CSAD: variants seen among roughly 807,000 people sequenced by gnomAD.
The protein encoded by CSAD is cysteine sulfinic acid decarboxylase.
In CSAD, 47 loss-of-function variants were observed where a neutral mutation model predicts 61.5. That is an observed-to-expected ratio of 0.76 (90% CI 0.60 to 0.97). The LOEUF (loss-of-function observed/expected upper bound fraction) is 0.97, where lower values mean the gene tolerates loss of function less well. Among genes scored for constraint, CSAD ranks in the 50% least tolerant of loss-of-function variants. CSAD has a pLI of 0.00. For missense variants in CSAD, 611 were observed against 643.6 expected (o/e 0.95, Z 0.55); for synonymous variants, 245 against 252.7 (o/e 0.97, Z 0.29).
chr12:53,161,666 GA>G (rs1939295370), intron 10 of CSAD, among the ~76,000 whole-genome samples: 1 of 152,006 alleles, frequency 6.6e-6, no homozygotes, highest in East Asian at 1.9e-4. Context: ...CAATGCTATT[GA>G]AAAAAAATTG....
At chr12:53,180,486 GGGCGCGCC>G (rs2121526212) in intron 1 of CSAD, 1 of 1,223,044 alleles carries the variant, frequency 8.2e-7, no homozygotes, top group East Asian at 6.7e-5. Context: ...ATGGCGGCCG[GGGCGCGCC>G]CCGGCCACGG....
intron 10 of CSAD, among the ~76,000 whole-genome samples, chr12:53,164,036 A>G (rs1296656245): frequency 2.0e-5 from 3 of 152,242 alleles, no homozygotes; most frequent in Non-Finnish European, 2.9e-5. Context: ...TGGTGTTGGA[A>G]CAACTGGATA....
intron 15 of CSAD, 66 bp from the exon 16 acceptor site, chr12:53,159,778 C>T (rs1274532038): frequency 7.9e-6 from 12 of 1,526,394 alleles, no homozygotes; most frequent in Non-Finnish European, 8.9e-6. Context: ...TCTCCCTGCC[C>T]CTTTCCCCTC....
chr12:53,179,965 G>A (rs1941440631), intron 1 of CSAD: 1 of 1,527,646 alleles, frequency 6.5e-7, no homozygotes, highest in Non-Finnish European at 8.7e-7. Context: ...TACTGTGGGA[G>A]TCAGGGTCTT....
intron 10 of CSAD, among the ~76,000 whole-genome samples, chr12:53,168,329 A>T (rs1263475440): frequency 6.6e-6 from 1 of 152,214 alleles, no homozygotes; most frequent in Non-Finnish European, 1.5e-5. Context: ...ATGCTAAACC[A>T]CTAAATAGTA....
At position 53,173,463 on chromosome 12, in the gene CSAD, T is replaced by G; in HGVS notation, c.8A>C (p.Asp3Ala). Residue 3 changes from aspartate (D) to alanine (A), a missense_variant, in exon 4 of 17, where the codon GAC (aspartate) becomes GCC (alanine). Asp to Ala is a moderately radical substitution (Grantham distance 126). Coordinates refer to ENST00000444623, the MANE Select transcript of CSAD (RefSeq NM_001244705.2). The part of the protein sequence containing the change: MA[D>A]SEALPSLAGD... ...AGCAAGGGAGGGGAGTGCTTCTGAG[T>G]CAGCCATCAGGATCTGTGGCAGAGC... The G allele has an allele frequency of 2.5e-6, 4 of 1,613,934 alleles. No individual in the cohort carries two copies. Among genetic ancestry groups the G allele is most frequent in the Non-Finnish European group, 3.4e-6 (4 of 1,179,982 alleles).
Position 53,157,935 on chromosome 12 carries a change from T to C in CSAD, c.*576A>G, listed in dbSNP as rs1938742449. 1 of 152,220 alleles carries C rather than the reference T, an allele frequency of 6.6e-6. No homozygotes were observed. Among genetic ancestry groups the C allele is most frequent in the South Asian group, 2.1e-4 (1 of 4,832 alleles). 9.4% of individuals were successfully genotyped at this position (152,220 alleles called of 1,614,324 possible). A position where few individuals can be genotyped will look rare whatever the true frequency, so the allele number is the denominator to read the frequency against. Reference sequence around the variant, plus strand: ...ATATAAAGACTTGTATTCAGCTTTTTCAACATAAATTACATTAAAGTTATT... The same window carrying C: ...ATATAAAGACTTGTATTCAGCTTTTCCAACATAAATTACATTAAAGTTATT... On this transcript the variant is annotated 3_prime_UTR_variant, in exon 17 of 17. Transcript: ENST00000444623.
At chr12:53,173,850 A>C in intron 2 of CSAD, 80 bp from the exon 3 acceptor site, 1 of 1,426,568 alleles carries the variant, frequency 7.0e-7, no homozygotes, top group Non-Finnish European at 9.7e-7. Flanking sequence ...AAATTCACAA[A>C]GTTGTTGCAA....
rs573982825 is a variant in CSAD, at chr12:53,158,619, G to A, written c.1374C>T (p.His458=). Residue 458 remains histidine, a synonymous_variant, in exon 17 of 17, where the codon CAC becomes CAT. Coordinates refer to ENST00000444623, the MANE Select transcript of CSAD (RefSeq NM_001244705.2). ...CACGGAAGAAGTTGCCCCGGGTCCC[G>A]TGGGGCTGGTAGCCAATCATCATGG... ...EGSMMIGYQP[H]GTRGNFFRVV... 19 of 1,614,146 alleles carry A rather than the reference G, an allele frequency of 1.2e-5. No homozygotes were observed. The highest frequency in any genetic ancestry group is 3.3e-5 in the Admixed American group (2 of 60,010).
At chr12:53,180,554 G>A (rs548601941) in intron 1 of CSAD, 178 bp downstream of exon 1, 120 of 1,280,764 alleles carry the variant, frequency 9.4e-5, no homozygotes, top group South Asian at 6.1e-4. Context: ...GGCGCACGGC[G>A]CCGCCCACTC....
At chr12:53,179,597 G>T in intron 1 of CSAD, 1 of 573,036 alleles carries the variant, frequency 1.7e-6, no homozygotes, top group African/African-American at 1.9e-5. Flanking sequence ...ATTTTAGAAT[G>T]ATCCTAAAAC....
At chr12:53,180,984 G>T, upstream of CSAD, 1 of 783,912 alleles carries the variant, frequency 1.3e-6, no homozygotes, top group Non-Finnish European at 1.6e-6. Flanking sequence ...GGGGGAGGGA[G>T]GGGAAAGGCC....
intron 9 of CSAD, 62 bp downstream of exon 9, chr12:53,170,353 AGCTTTCTG>A: frequency 1.4e-6 from 2 of 1,403,150 alleles, no homozygotes; most frequent in Non-Finnish European, 2.0e-6. Context: ...CTGATGCCAG[AGCTTTCTG>A]GCGGCAGGAA....
At position 53,160,199 on chromosome 12, in the gene CSAD, G is replaced by A; in HGVS notation, c.1087C>T (p.Leu363=). 2 of 1,614,174 alleles carry A rather than the reference G, an allele frequency of 1.2e-6. No homozygotes were observed. The highest frequency in any genetic ancestry group is 2.7e-5 in the African/African-American group (2 of 75,056). Residue 363 remains leucine, a synonymous_variant, in exon 14 of 17, where the codon CTG becomes TTG. Coordinates refer to ENST00000444623, the MANE Select transcript of CSAD (RefSeq NM_001244705.2). ...GCCTTCCACATGAGCCACAGCTTCA[G>A]ACAGTCCACACGGCGGCCACACTGC... is the stretch of plus-strand genomic sequence containing the variant. ...VVQCGRRVDC[L]KLWLMWKAQG...
In CSAD at chr12:53,171,320, C is replaced by T; in HGVS notation, c.567+6G>A. The T allele has an allele frequency of 6.2e-7, 1 of 1,614,010 alleles. No individual in the cohort carries two copies. Among genetic ancestry groups the T allele is most frequent in the South Asian group, 1.1e-5 (1 of 91,076 alleles). ...GCCCAGGGTTGGGCCTGTGCCTCTTCCCCACCTCCTTCGATGTGAATAGGG... is the reference window on the plus strand; with the variant it reads ...GCCCAGGGTTGGGCCTGTGCCTCTTTCCCACCTCCTTCGATGTGAATAGGG... On this transcript the variant is annotated splice_donor_region_variant and intron_variant, in intron 8 of 16. Transcript: ENST00000444623.
chr12:53,177,261 A>G (rs528220957), intron 2 of CSAD, among the ~76,000 whole-genome samples: 7 of 152,370 alleles, frequency 4.6e-5, no homozygotes, highest in Admixed American at 2.0e-4. Context: ...TCTTAGTTTT[A>G]ATAGTAAACA....
Position 53,169,669 on chromosome 12 carries a change from C to A in CSAD, c.702+403G>T, listed in dbSNP as rs180732596. ...CCAAGGTGGCTGTAGCAGTTACATACCCCTCGAAGTAGAGGAGAGTGCTAA... is the reference window on the plus strand; with the variant it reads ...CCAAGGTGGCTGTAGCAGTTACATAACCCTCGAAGTAGAGGAGAGTGCTAA... On this transcript the variant is annotated intron_variant, in intron 10 of 16. Coordinates refer to ENST00000444623, the MANE Select transcript of CSAD (RefSeq NM_001244705.2). 2.6e-3 allele frequency among the ~76,000 whole-genome samples: 394 copies of A among 152,110 alleles called. 2 individuals carry two copies. The highest frequency in any genetic ancestry group is 9.1e-3 in the African/African-American group (379 of 41,502).
chr12:53,158,532 C>T lies in CSAD; in HGVS notation c.1461G>A (p.Glu487=). The change falls in exon 17 of 17, where the codon GAG becomes GAA. Residue 487 remains glutamate, a synonymous_variant. Coordinates refer to ENST00000444623, the MANE Select transcript of CSAD (RefSeq NM_001244705.2). The stretch of plus-strand genomic sequence containing the variant: ...AGGCTCACAGGTCCTGGCCTAGCCG[C>T]TCCAGCTCGTTGAGGAGGAAGTCCA... ...ADMDFLLNEL[E]RLGQDL is the part of the protein sequence containing the mutation. 9 of 1,613,416 alleles carry T rather than the reference C, an allele frequency of 5.6e-6. No individual in the cohort carries two copies. Among genetic ancestry groups the T allele is most frequent in the Non-Finnish European group, 7.6e-6 (9 of 1,179,940 alleles).
chr12:53,159,559 G>A (rs1450822595), intron 16 of CSAD, 64 bp downstream of exon 16: 33 of 1,397,630 alleles, frequency 2.4e-5, no homozygotes, highest in Non-Finnish European at 3.3e-5. Context: ...AGCCAACAGG[G>A]GGCAGAAGCG....
Sources: allele counts gnomAD v4.1 joint callset (sites outside exome capture counted in the v4.1 genomes callset), GRCh38; gene constraint gnomAD v4.1.1; transcripts MANE v1.5; gene names NCBI Gene and HGNC (gene_info 2026-07-23, HGNC 2026-07-21).